The following TRIM14 variants were observed in gnomAD, a reference collection of about 807,000 sequenced individuals.
TRIM14 encodes the protein tripartite motif-containing protein 14.
Under a neutral mutation model 44.5 loss-of-function variants are expected in TRIM14, and 28 were observed. That is an observed-to-expected ratio of 0.63 (90% confidence interval 0.47 to 0.86). The LOEUF (loss-of-function observed/expected upper bound fraction) is 0.86, where lower values mean the gene tolerates loss of function less well. Ranked by LOEUF, TRIM14 falls within the 40% of genes least tolerant of loss-of-function variation. The probability of loss-of-function intolerance (pLI) is 0.00; values close to 1 mark genes in which losing one functional copy is unlikely to be tolerated. For synonymous variants in TRIM14, 299 were observed against 269.2 expected (o/e 1.11, Z -1.08); for missense variants, 607 against 611.1 (o/e 0.99, Z 0.07).
chr9:98,107,594 CAAATT>C (rs1826667606), intron 2 of TRIM14, among the ~76,000 whole-genome samples: 1 of 152,038 alleles, frequency 6.6e-6, no homozygotes, highest in East Asian at 1.9e-4. Context: ...AATTATCAAA[CAAATT>C]AATAATTGCC....
chr9:98,110,021 T>C, intron 1 of TRIM14, 37 bp from the exon 2 acceptor site: 1 of 1,523,616 alleles, frequency 6.6e-7, no homozygotes, highest in Non-Finnish European at 9.1e-7. Flanking sequence ...GTCGTAATAC[T>C]GTCACTTTCC....
At chr9:98,082,383 G>A (rs180759999), downstream of TRIM14, among the ~76,000 whole-genome samples, 1 of 152,152 alleles carries the variant, frequency 6.6e-6, no homozygotes, top group Non-Finnish European at 1.5e-5. Flanking sequence ...CACCCACCCT[G>A]TATGGGCCTC....
the TRIM14 span, among the ~76,000 whole-genome samples, chr9:98,056,438 C>T: frequency 0.31 from 47,660 of 152,160 alleles, 9,678 homozygotes; most frequent in African/African-American, 0.57. Flanking sequence ...AGGACATAGA[C>T]TATGCCCTGC....
chr9:98,066,630 CAGGCCT>C (rs1564158238), downstream of TRIM14, among the ~76,000 whole-genome samples: 1 of 151,432 alleles, frequency 6.6e-6, no homozygotes, highest in African/African-American at 2.4e-5. Flanking sequence ...CCAATTCTCC[CAGGCCT>C]AGGCAACCAC....
the TRIM14 span, among the ~76,000 whole-genome samples, chr9:98,035,805 G>C: frequency 6.6e-6 from 1 of 152,230 alleles, no homozygotes. Context: ...CCAAGGGGCA[G>C]AATGTGGCCT....
chr9:98,113,497 G>C (rs1826934700), intron 1 of TRIM14, among the ~76,000 whole-genome samples: 1 of 152,068 alleles, frequency 6.6e-6, no homozygotes, highest in Non-Finnish European at 1.5e-5. Flanking sequence ...TGGGACTATA[G>C]GCACACACCA....
intron 1 of TRIM14, among the ~76,000 whole-genome samples, chr9:98,113,465 C>T (rs1345025281): frequency 6.6e-6 from 1 of 152,176 alleles, no homozygotes; most frequent in East Asian, 1.9e-4. Flanking sequence ...AGCAATCCTC[C>T]TGCCTCAGCC....
chr9:98,039,412 T>C, the TRIM14 span, among the ~76,000 whole-genome samples: 1 of 152,222 alleles, frequency 6.6e-6, no homozygotes, highest in Non-Finnish European at 1.5e-5. Flanking sequence ...TAGGCTGAAC[T>C]AACTTTGGGA....
At position 98,109,914 on chromosome 9, in the gene TRIM14, A is replaced by C. The variant is rs752745546; in HGVS notation, c.278T>G (p.Ile93Arg). The change falls in exon 2 of 6, where the codon ATA becomes AGA. Residue 93 changes from isoleucine (I) to arginine (R), a missense_variant. Coordinates refer to ENST00000341469, the MANE Select transcript of TRIM14 (RefSeq NM_014788.4). ...KQQHIDNITQ[I>R]EDATEKLKAN... Reference sequence around the variant, plus strand: ...CTTGAGCTTCTCGGTGGCATCTTCTATCTGGGTTATGTTGTCAATGTGCTG... The same window carrying C: ...CTTGAGCTTCTCGGTGGCATCTTCTCTCTGGGTTATGTTGTCAATGTGCTG... 1 of 1,611,880 alleles carries C rather than the reference A, an allele frequency of 6.2e-7. No individual in the cohort carries two copies.
the TRIM14 span, among the ~76,000 whole-genome samples, chr9:98,045,190 AC>A: frequency 6.6e-6 from 1 of 152,172 alleles, no homozygotes; most frequent in Non-Finnish European, 1.5e-5. Flanking sequence ...CAGAAAAAAA[AC>A]AACAGCCAAG....
At chr9:98,099,838 C>T (rs1405395150) in intron 3 of TRIM14, 93 bp downstream of exon 3, 1 of 1,107,708 alleles carries the variant, frequency 9.0e-7, no homozygotes, top group African/African-American at 1.5e-5. Flanking sequence ...CATGTACTTG[C>T]TTAGTGTGTC....
the TRIM14 span, among the ~76,000 whole-genome samples, chr9:98,050,137 A>C: frequency 6.6e-6 from 1 of 152,234 alleles, no homozygotes; most frequent in Non-Finnish European, 1.5e-5. Context: ...TGATTGGCCC[A>C]AACTCAGTGA....
chr9:98,118,951 G>T (rs1265112757), intron 1 of TRIM14, 31 bp downstream of exon 1: 6 of 1,477,706 alleles, frequency 4.1e-6, no homozygotes, highest in Non-Finnish European at 4.5e-6. Context: ...CCCAACTCCC[G>T]CGCGGCGAAC....
At chr9:98,059,545 G>T in the TRIM14 span, among the ~76,000 whole-genome samples, 6 of 152,122 alleles carry the variant, frequency 3.9e-5, no homozygotes, top group African/African-American at 1.4e-4. Flanking sequence ...CTCCTGAGTA[G>T]CTGGGACTAC....
chr9:98,085,841 A>T lies in TRIM14; in HGVS notation c.*1629T>A, dbSNP rs938952231. ...TTATATGGTTCAAACTAATGCACTG[A>T]AAGTCTATTTAAACCACGAGGATTC... On this transcript the variant is annotated 3_prime_UTR_variant, in exon 6 of 6. Coordinates refer to ENST00000341469, the MANE Select transcript of TRIM14 (RefSeq NM_014788.4). 6.6e-6 allele frequency: 1 copy of T among 152,190 alleles called. No homozygotes were observed. The highest frequency in any genetic ancestry group is 1.5e-5 in the Non-Finnish European group (1 of 68,034). The allele number at this position is 152,190 out of a possible 1,614,324, so 9.4% of individuals were successfully genotyped here. A position where few individuals can be genotyped will look rare whatever the true frequency, so the allele number is the denominator to read the frequency against.
chr9:98,077,090 C>T (rs1423566409), intron 6 of TRIM14: 3 of 1,080,850 alleles, frequency 2.8e-6, no homozygotes, highest in Non-Finnish European at 4.0e-6. Context: ...TCATGGTGGC[C>T]CACTTTCAGC....
chr9:98,047,512 T>C, the TRIM14 span, among the ~76,000 whole-genome samples: 3 of 152,226 alleles, frequency 2.0e-5, no homozygotes, highest in South Asian at 6.2e-4. Context: ...GGGAAAAACC[T>C]CTGTTTTTCT....
chr9:98,095,048 G>A lies in TRIM14; in HGVS notation c.538-19C>T. The A allele has an allele frequency of 1.2e-6, 2 of 1,606,792 alleles. No individual in the cohort carries two copies. Among genetic ancestry groups the A allele is most frequent in the Non-Finnish European group, 1.7e-6 (2 of 1,177,240 alleles). ...TGTATGCCTGTGTGGGCACACGGGG[G>A]TGAGGGTGGCTCTGGGAGATGCAGG... On this transcript the variant is annotated intron_variant, in intron 3 of 5. Transcript: ENST00000341469. The surrounding 1 kb of genome is among the most constrained non-coding windows in gnomAD (Gnocchi z 4.1).
intron 1 of TRIM14, among the ~76,000 whole-genome samples, chr9:98,116,666 G>A (rs1422739150): frequency 2.6e-5 from 4 of 151,280 alleles, no homozygotes; most frequent in South Asian, 2.1e-4. Context: ...GTGAAACCCC[G>A]TCTCTACAAA....
Sources: allele counts gnomAD v4.1 joint callset (sites outside exome capture counted in the v4.1 genomes callset), GRCh38; gene constraint gnomAD v4.1.1; non-coding constraint Gnocchi (gnomAD v3.1); transcripts MANE v1.5; gene names NCBI Gene and HGNC (gene_info 2026-07-23, HGNC 2026-07-21).